ESRRB: variants seen among roughly 807,000 people sequenced by gnomAD.
The protein encoded by ESRRB is steroid hormone receptor ERR2.
Under a neutral mutation model 46.0 loss-of-function variants are expected in ESRRB, and 16 were observed. The ratio of observed to expected loss-of-function variants is 0.35; its 90% CI spans 0.24 to 0.53. ESRRB has a LOEUF of 0.53. Ranked by LOEUF, ESRRB falls within the 20% of genes least tolerant of loss-of-function variation. The pLI, the probability that ESRRB is intolerant of heterozygous loss-of-function variation, is 0.93. For missense variants in ESRRB, 488 were observed against 607.4 expected (o/e 0.80, Z 2.07); for synonymous variants, 246 against 259.6 (o/e 0.95, Z 0.50).
upstream of ESRRB, among the ~76,000 whole-genome samples, chr14:76,367,698 G>T (rs1173282023): frequency 6.6e-6 from 1 of 152,142 alleles, no homozygotes; most frequent in Non-Finnish European, 1.5e-5. Flanking sequence ...TGGGAGTAGA[G>T]GTGAGATTTC....
At chr14:76,396,808 G>A (rs1014102068) in intron 1 of ESRRB, among the ~76,000 whole-genome samples, 11 of 152,218 alleles carry the variant, frequency 7.2e-5, no homozygotes, top group African/African-American at 1.9e-4. Context: ...CAGCGCTGGC[G>A]GTAGATGCAG....
intron 3 of ESRRB, among the ~76,000 whole-genome samples, chr14:76,478,846 C>A (rs1041966298): frequency 3.9e-5 from 6 of 152,130 alleles, no homozygotes; most frequent in African/African-American, 1.4e-4. Flanking sequence ...ATCATCCTTC[C>A]TGTGTTTGTG....
intron 1 of ESRRB, among the ~76,000 whole-genome samples, chr14:76,422,145 C>T (rs2139890466): frequency 6.6e-6 from 1 of 151,970 alleles, no homozygotes; most frequent in Non-Finnish European, 1.5e-5. Flanking sequence ...GTGACCCCTA[C>T]CTCTGCTTCT....
At chr14:76,434,090 C>G (rs1448443639) in intron 1 of ESRRB, among the ~76,000 whole-genome samples, 32 of 152,136 alleles carry the variant, frequency 2.1e-4, no homozygotes, top group African/African-American at 2.4e-5. Context: ...TCCCCAGTAG[C>G]TGGGATTACA....
intron 1 of ESRRB, among the ~76,000 whole-genome samples, chr14:76,333,447 AAG>A (rs1381698460): frequency 0.012 from 200 of 16,984 alleles, 5 homozygotes; most frequent in Non-Finnish European, 0.02. Flanking sequence ...TATGATATAT[AAG>A]TATATCATAT....
At chr14:76,480,192 G>A (rs1345392740) in intron 3 of ESRRB, among the ~76,000 whole-genome samples, 1 of 152,092 alleles carries the variant, frequency 6.6e-6, no homozygotes. Flanking sequence ...AGCCTGGGTG[G>A]GCTGCTGAGT....
intron 1 of ESRRB, among the ~76,000 whole-genome samples, chr14:76,392,464 G>C (rs192532716): frequency 2.0e-5 from 3 of 152,354 alleles, no homozygotes; most frequent in Admixed American, 1.3e-4. Context: ...CAGAGGAGCT[G>C]AGTGACTGCC....
chr14:76,401,360 G>A (rs1885935697), intron 1 of ESRRB, among the ~76,000 whole-genome samples: 2 of 152,218 alleles, frequency 1.3e-5, no homozygotes, highest in South Asian at 4.1e-4. Flanking sequence ...GGCAGTGGGT[G>A]GGGAGTGGAG....
intron 1 of ESRRB, among the ~76,000 whole-genome samples, chr14:76,408,915 T>C (rs1886315924): frequency 6.6e-6 from 1 of 152,206 alleles, no homozygotes; most frequent in South Asian, 2.1e-4. Flanking sequence ...ACATATCATC[T>C]CTTTAACCTT....
chr14:76,394,491 C>T, intron 1 of ESRRB, among the ~76,000 whole-genome samples: 1 of 152,206 alleles, frequency 6.6e-6, no homozygotes, highest in Admixed American at 6.5e-5. Context: ...GTGGCTGGTA[C>T]TCTCCTCCCC....
In ESRRB at chr14:76,500,840, G is replaced by A. The variant is rs190764707; in HGVS notation, c.*2382G>A. On this transcript the variant is annotated 3_prime_UTR_variant, in exon 7 of 7. Transcript: ENST00000644823. ...TCTAGCAGAGTGGGGCGGAAGTCCT[G>A]ATGGTTGGTGTCCATGAGGTGGAAG... 2.5e-3 allele frequency: 2,748 copies of A among 1,081,216 alleles called. 3 individuals are homozygous for A. The highest frequency in any genetic ancestry group is 3.4e-3 in the Non-Finnish European group (2,375 of 696,150). 67.0% of individuals were successfully genotyped at this position (1,081,216 alleles called of 1,614,324 possible). A position where few individuals can be genotyped will look rare whatever the true frequency, so the allele number is the denominator to read the frequency against.
At chr14:76,415,623 G>A (rs1328372961) in intron 1 of ESRRB, among the ~76,000 whole-genome samples, 6 of 152,094 alleles carry the variant, frequency 3.9e-5, no homozygotes, top group Non-Finnish European at 8.8e-5. Flanking sequence ...TCATGCTACT[G>A]CACTCCAGAC....
At chr14:76,360,754 C>A (rs1390820417) in intron 1 of ESRRB, among the ~76,000 whole-genome samples, 2 of 152,194 alleles carry the variant, frequency 1.3e-5, no homozygotes, top group Non-Finnish European at 2.9e-5. Context: ...CATTAGCTAG[C>A]ACTGAATGTA....
At chr14:76,401,682 C>T (rs955198346) in intron 1 of ESRRB, among the ~76,000 whole-genome samples, 3 of 152,102 alleles carry the variant, frequency 2.0e-5, no homozygotes, top group Admixed American at 1.3e-4. Flanking sequence ...AGGTTTATAG[C>T]CTAGGAGCAA....
intron 6 of ESRRB, among the ~76,000 whole-genome samples, chr14:76,494,327 A>G (rs897636929): frequency 7.3e-6 from 1 of 137,914 alleles, no homozygotes; most frequent in Non-Finnish European, 1.6e-5. Flanking sequence ...TTTTTTTGAG[A>G]CAGAATTTTG....
chr14:76,435,662 C>G (rs188989626), intron 1 of ESRRB, among the ~76,000 whole-genome samples: 61 of 152,296 alleles, frequency 4.0e-4, no homozygotes, highest in Admixed American at 1.5e-3. Flanking sequence ...AAACCCCCAT[C>G]TCTACTAAAA....
rs553274192 is a variant in ESRRB, at chr14:76,314,125, TG to T, written c.2+3212del. ...AAGAGTTAAAACCCCTCAGGGCTGTTGGGAAAAAAAAAATTAAACCAGTTAA... is the reference window on the plus strand; with the variant it reads ...AAGAGTTAAAACCCCTCAGGGCTGTTGGAAAAAAAAAATTAAACCAGTTAA... On this transcript the variant is annotated intron_variant, in intron 1 of 6. Coordinates refer to the ESRRB transcript ENST00000512784. 8.2e-3 allele frequency among the ~76,000 whole-genome samples: 1,239 copies of T among 151,016 alleles called. 8 individuals carry two copies. Among genetic ancestry groups the T allele is most frequent in the Middle Eastern group, 0.027 (8 of 294 alleles).
intron 1 of ESRRB, among the ~76,000 whole-genome samples, chr14:76,399,703 G>A (rs1288517132): frequency 1.1e-4 from 16 of 152,208 alleles, no homozygotes; most frequent in Non-Finnish European, 2.4e-4. Flanking sequence ...CAGCTCCCAA[G>A]AGGAACTCCA....
At chr14:76,498,114 C>A in intron 6 of ESRRB, 100 bp from the exon 7 acceptor site, 1 of 1,389,372 alleles carries the variant, frequency 7.2e-7, no homozygotes, top group Non-Finnish European at 1.0e-6. Context: ...CTGAAGATAC[C>A]CCTGCCTGCC....
Sources: gnomAD v4.1 joint callset for allele counts (sites outside exome capture counted in the v4.1 genomes callset) on GRCh38, gnomAD v4.1.1 for gene constraint, MANE v1.5 for transcripts, NCBI Gene and HGNC (gene_info 2026-07-23, HGNC 2026-07-21) for gene names.